Variants in COPS4 observed in about 807,000 individuals in gnomAD.
COPS4 encodes COP9 signalosome subunit 4, also known as COP9 signalosome complex subunit 4.
Under a neutral mutation model 55.1 loss-of-function variants are expected in COPS4, and 8 were observed. That is an observed-to-expected ratio of 0.15 (90% confidence interval 0.09 to 0.26). The LOEUF (loss-of-function observed/expected upper bound fraction) is 0.26. COPS4 is among the 10% of genes least tolerant of loss of function. The pLI, the probability that COPS4 is intolerant of heterozygous loss-of-function variation, is 1.00. For synonymous variants in COPS4, 185 were observed against 165.7 expected, an observed-to-expected ratio of 1.12 and a Z score of -0.90; for missense variants, 248 against 484.0, an observed-to-expected ratio of 0.51 and a Z score of 4.58.
chr4:83,065,819 T>G (rs561380230), intron 7 of COPS4, among the ~76,000 whole-genome samples: 2 of 152,336 alleles, frequency 1.3e-5, no homozygotes, highest in South Asian at 4.1e-4. Context: ...GTTGCATGAT[T>G]GTTGTGCTGC....
chr4:83,049,472 A>G (rs1730803343), intron 3 of COPS4, 155 bp downstream of exon 3: 2 of 625,418 alleles, frequency 3.2e-6, no homozygotes, highest in Non-Finnish European at 5.1e-6. Flanking sequence ...TCAAGTAAAT[A>G]TTAGGTTGTT....
At chr4:83,061,084 A>G (rs985017191) in intron 6 of COPS4, among the ~76,000 whole-genome samples, 1 of 151,420 alleles carries the variant, frequency 6.6e-6, no homozygotes, top group African/African-American at 2.4e-5. Flanking sequence ...GTCATTCATT[A>G]CATTCTATGT....
intron 7 of COPS4, among the ~76,000 whole-genome samples, chr4:83,063,618 A>G (rs2126133367): frequency 6.6e-6 from 1 of 151,136 alleles, no homozygotes; most frequent in East Asian, 2.0e-4. Flanking sequence ...CGTGTTAGCC[A>G]GGATGGTTTC....
At chr4:83,071,639 G>A (rs1177550373) in intron 9 of COPS4, among the ~76,000 whole-genome samples, 1 of 151,836 alleles carries the variant, frequency 6.6e-6, no homozygotes, top group Non-Finnish European at 1.5e-5. Flanking sequence ...GGCTGGTCTT[G>A]AGCTCCTGGC....
At chr4:83,059,929 C>T (rs905616268) in intron 6 of COPS4, among the ~76,000 whole-genome samples, 1 of 152,062 alleles carries the variant, frequency 6.6e-6, no homozygotes, top group African/African-American at 2.4e-5. Context: ...TCTCGATCTC[C>T]TGACCTTGTG....
chr4:83,055,399 T>C (rs1730989008), intron 4 of COPS4, among the ~76,000 whole-genome samples: 1 of 152,026 alleles, frequency 6.6e-6, no homozygotes, highest in South Asian at 2.1e-4. Context: ...AGTTTTTTCA[T>C]TTAGGAAAAA....
chr4:83,063,790 A>T (rs1392735622), intron 7 of COPS4, among the ~76,000 whole-genome samples: 3 of 148,296 alleles, frequency 2.0e-5, no homozygotes, highest in Non-Finnish European at 1.5e-5. Flanking sequence ...GTTCACCACA[A>T]CCTCTGCCTC....
At chr4:83,057,836 G>A (rs1002696996) in intron 6 of COPS4, among the ~76,000 whole-genome samples, 1 of 151,120 alleles carries the variant, frequency 6.6e-6, no homozygotes, top group Non-Finnish European at 1.5e-5. Context: ...GCAGGAGAAT[G>A]GCGTGAATCC....
At chr4:83,056,224 G>A (rs1267919947) in intron 4 of COPS4, among the ~76,000 whole-genome samples, 2 of 152,150 alleles carry the variant, frequency 1.3e-5, no homozygotes, top group African/African-American at 2.4e-5. Flanking sequence ...GAGCCACCAC[G>A]CCCGGCCTTA....
chr4:83,050,024 T>A (rs761072865), intron 4 of COPS4, 40 bp downstream of exon 4: 2 of 1,143,434 alleles, frequency 1.7e-6, no homozygotes, highest in Non-Finnish European at 2.5e-6. Flanking sequence ...ATATATAGGA[T>A]GTATATAATT....
chr4:83,051,009 A>C (rs1730873999), intron 4 of COPS4, among the ~76,000 whole-genome samples: 1 of 151,816 alleles, frequency 6.6e-6, no homozygotes, highest in Non-Finnish European at 1.5e-5. Context: ...CTATGGTCCA[A>C]GCACTTTGGG....
chr4:83,073,139 A>C, intron 9 of COPS4: 1 of 525,502 alleles, frequency 1.9e-6, no homozygotes. Context: ...GTTTCACGAC[A>C]TTTTCATCTT....
intron 4 of COPS4, among the ~76,000 whole-genome samples, chr4:83,056,104 G>A (rs1731006408): frequency 6.6e-6 from 1 of 151,182 alleles, no homozygotes; most frequent in Admixed American, 6.6e-5. Flanking sequence ...CTAATTTTTT[G>A]TATTTTTAGT....
In COPS4 at chr4:83,063,263, A is replaced by G. The variant is rs773378371; in HGVS notation, c.886+17A>G. 1.9e-5 allele frequency: 30 copies of G among 1,603,840 alleles called. No homozygotes were observed. The highest frequency in any genetic ancestry group is 2.2e-5 in the Non-Finnish European group (26 of 1,173,288). On this transcript the variant is annotated intron_variant, in intron 7 of 9. Transcript: ENST00000264389. ...CAGCTGATGGTAATGATCCTGTCTT[A>G]TGTGTATATGGTAGTCAATGTTTAG...
At chr4:83,041,277 G>C (rs548809066) in intron 1 of COPS4, among the ~76,000 whole-genome samples, 2 of 151,810 alleles carry the variant, frequency 1.3e-5, no homozygotes, top group Non-Finnish European at 2.9e-5. Context: ...TGGGCAGGCT[G>C]GTCTTGAACT....
At chr4:83,066,586 A>AC (rs750659247) in intron 8 of COPS4, 33 bp downstream of exon 8, 1 of 1,030,696 alleles carries the variant, frequency 9.7e-7, no homozygotes, top group South Asian at 1.5e-5. Context: ...TTTAAAAAAA[A>AC]GTTAAGAGAT....
At chr4:83,049,060 T>C in intron 2 of COPS4, 106 bp from the exon 3 acceptor site, 1 of 991,928 alleles carries the variant, frequency 1.0e-6, no homozygotes, top group Non-Finnish European at 1.5e-6. Context: ...CATTGAAGGC[T>C]GTACTAATAT....
At chr4:83,043,534 A>AC (rs1205822574) in intron 1 of COPS4, among the ~76,000 whole-genome samples, 3,360 of 148,596 alleles carry the variant, frequency 0.023, 68 homozygotes, top group Non-Finnish European at 0.039. Flanking sequence ...AAAAAAAAAA[A>AC]AAAAAAAAAA....
chr4:83,063,658 C>T (rs1032929127), intron 7 of COPS4, among the ~76,000 whole-genome samples: 5 of 151,522 alleles, frequency 3.3e-5, no homozygotes, highest in Admixed American at 6.6e-5. Flanking sequence ...CCGCCTGCCT[C>T]GGCCTCCCAA....
Sources: allele counts gnomAD v4.1 joint callset (sites outside exome capture counted in the v4.1 genomes callset), GRCh38; gene constraint gnomAD v4.1.1; transcripts MANE v1.5; gene names NCBI Gene and HGNC (gene_info 2026-07-23, HGNC 2026-07-21).